RNF213: variants seen among roughly 807,000 people sequenced by gnomAD.
RNF213 encodes ring finger protein 213, also known as E3 ubiquitin-protein ligase RNF213.
In RNF213, 341 loss-of-function variants were observed where a neutral mutation model predicts 514.4. The observed-to-expected ratio is 0.66, with a 90% confidence interval of 0.61 to 0.73. The LOEUF (loss-of-function observed/expected upper bound fraction) is 0.73, where lower values mean the gene tolerates loss of function less well. Ranked by LOEUF, RNF213 falls within the 30% of genes least tolerant of loss-of-function variation. The probability of loss-of-function intolerance (pLI) is 0.00; values close to 1 mark genes in which losing one functional copy is unlikely to be tolerated. For missense variants in RNF213, 5,767 were observed against 6,615.6 expected (o/e 0.87, Z 4.45); for synonymous variants, 2,655 against 2,658.2 (o/e 1.00, Z 0.04).
rs566492457 is a variant in RNF213, at chr17:80,380,160, CAT to C, written c.13640+448_13640+449del. ...TTTTGAGAAAAATGAAGGAGACAGA[CAT>C]AGTCTTATGAAATACCAGACTTCAG... is the stretch of plus-strand genomic sequence containing the variant. On this transcript the variant is annotated intron_variant, in intron 55 of 67. Coordinates refer to ENST00000582970, the MANE Select transcript of RNF213 (RefSeq NM_001256071.3). Among the ~76,000 whole-genome samples, 3 of 152,340 alleles carry C rather than the reference CAT, an allele frequency of 2.0e-5. No individual in the cohort carries two copies. The South Asian group carries it at 6.2e-4, about 32-fold the overall frequency.
Position 80,386,896 on chromosome 17 carries a change from G to C in RNF213, c.14922+5G>C. ...AAGCCCCGGCTGAGCCTCAAGGTAG[G>C]GCTGACTCCTGCCACTGCTGCTCAT... On this transcript the variant is annotated splice_donor_5th_base_variant and intron_variant, in intron 63 of 67. Transcript: ENST00000582970. 1 of 1,608,250 alleles carries C rather than the reference G, an allele frequency of 6.2e-7. No individual in the cohort carries two copies. The highest frequency in any genetic ancestry group is 1.1e-5 in the South Asian group (1 of 90,438).
Position 80,352,627 on chromosome 17 carries a change from GA to G in RNF213, c.10304-312del, listed in dbSNP as rs2078568334. On this transcript the variant is annotated intron_variant, in intron 32 of 67. Transcript: ENST00000582970. ...GTGTCCCCCACCCCTCACTAACTGTGATACAGCAAATACAACAATGCATGGG... is the reference window on the plus strand; with the variant it reads ...GTGTCCCCCACCCCTCACTAACTGTGTACAGCAAATACAACAATGCATGGG... 4 of 597,062 alleles carry G rather than the reference GA, an allele frequency of 6.7e-6. No individual in the cohort carries two copies. The South Asian group carries it at 8.1e-5, about 12-fold the overall frequency. 37.0% of individuals were successfully genotyped at this position (597,062 alleles called of 1,614,324 possible).
Position 80,376,274 on chromosome 17 carries a change from C to T in RNF213, c.13186-27C>T, listed in dbSNP as rs574787371. 5 of 1,613,506 alleles carry T rather than the reference C, an allele frequency of 3.1e-6. No homozygotes were observed. In the African/African-American group the frequency reaches 6.7e-5, roughly 22 times the overall value. ...ATTCACACAATATTCTTTGATACAT[C>T]TTAATGTTAAGTTTTTTTCCTGTCA... On this transcript the variant is annotated intron_variant, in intron 51 of 67. Transcript: ENST00000582970.
In RNF213 at chr17:80,377,548, T is replaced by A; in HGVS notation, c.13511-214T>A. On this transcript the variant is annotated intron_variant, in intron 53 of 67. Transcript: ENST00000582970. This position sits in a 1 kb window ranked among gnomAD's most constrained non-coding sequence, Gnocchi z 4.1. Reference sequence around the variant, plus strand: ...CTAATTGCTCTTTACTTGATAAAATTAATAAAATTAGACTCAGACATTTTT... The same window carrying A: ...CTAATTGCTCTTTACTTGATAAAATAAATAAAATTAGACTCAGACATTTTT... 3.1e-6 allele frequency: 2 copies of A among 635,426 alleles called. No homozygotes were observed. The highest frequency in any genetic ancestry group is 2.8e-5 in the East Asian group (1 of 35,544). 39.4% of individuals were successfully genotyped at this position (635,426 alleles called of 1,614,324 possible). A position where few individuals can be genotyped will look rare whatever the true frequency, so the allele number is the denominator to read the frequency against.
chr17:80,357,779 C>T (rs1304227734), intron 36 of RNF213, among the ~76,000 whole-genome samples: 1 of 152,034 alleles, frequency 6.6e-6, no homozygotes, highest in Non-Finnish European at 1.5e-5. Flanking sequence ...TGAGACCAGC[C>T]AGCTAGGGCA....
At chr17:80,266,577 C>T (rs1207197595) in intron 2 of RNF213, among the ~76,000 whole-genome samples, 1 of 152,098 alleles carries the variant, frequency 6.6e-6, no homozygotes, top group Non-Finnish European at 1.5e-5. Flanking sequence ...TTTCAGCTCA[C>T]TGCAACCTTT....
chr17:80,341,334 T>C (rs1272033236), intron 26 of RNF213: 2 of 152,284 alleles, frequency 1.3e-5, no homozygotes, highest in Non-Finnish European at 2.9e-5. Flanking sequence ...GAGAAAGCCA[T>C]GCCTCTTGAC....
intron 54 of RNF213, among the ~76,000 whole-genome samples, chr17:80,378,015 C>T (rs573486009): frequency 2.6e-5 from 4 of 152,280 alleles, no homozygotes; most frequent in Middle Eastern, 3.4e-3. Context: ...GGCTCTGCGG[C>T]GTGGGCTGTC....
At chr17:80,349,941 TC>T (rs773930893) in intron 30 of RNF213, 35 bp downstream of exon 30, 1 of 1,610,690 alleles carries the variant, frequency 6.2e-7, no homozygotes, top group Non-Finnish European at 8.5e-7. Context: ...GCCCTCTCCC[TC>T]CCCAGCCGCA....
Position 80,346,811 on chromosome 17 carries a change from G to C in RNF213, c.8476G>C (p.Ala2826Pro), listed in dbSNP as rs748247392. The C allele has an allele frequency of 6.2e-7, 1 of 1,613,918 alleles. No individual in the cohort carries two copies. Among genetic ancestry groups the C allele is most frequent in the Non-Finnish European group, 8.5e-7 (1 of 1,180,020 alleles). ...QGIISTFRQC[A>P]RFQQGKDLQQ... ...CATCATCAGCACCTTCCGGCAGTGC[G>C]CCCGCTTTCAGCAGGGGAAGGACCT... The change falls in exon 29 of 68, where the codon GCC becomes CCC. Residue 2826 changes from alanine to proline, a missense_variant. Coordinates refer to ENST00000582970, the MANE Select transcript of RNF213 (RefSeq NM_001256071.3). This position sits in a 1 kb window ranked among gnomAD's most constrained non-coding sequence, Gnocchi z 8.1.
chr17:80,281,525 ATGCCCCACT>A (rs1568006592), intron 3 of RNF213, among the ~76,000 whole-genome samples: 18 of 78,916 alleles, frequency 2.3e-4, no homozygotes, highest in Admixed American at 4.7e-4. Flanking sequence ...CAACACACAC[ATGCCCCACT>A]CATACCACTC....
intron 42 of RNF213, among the ~76,000 whole-genome samples, chr17:80,367,517 AAAG>A (rs1377715523): frequency 3.9e-5 from 6 of 152,222 alleles, no homozygotes; most frequent in African/African-American, 1.2e-4. Flanking sequence ...CTTAAAAGAA[AAAG>A]AAGAGGGAAA....
chr17:80,261,922 C>T (rs1003682359), intron 1 of RNF213, among the ~76,000 whole-genome samples: 21 of 152,268 alleles, frequency 1.4e-4, no homozygotes, highest in African/African-American at 4.6e-4. Context: ...GAGACTGAGG[C>T]GGGAGAATCG....
At position 80,396,989 on chromosome 17, in the gene RNF213, C is replaced by T. The variant is rs906190292; in HGVS notation, c.*3491C>T. The T allele has an allele frequency of 3.3e-5, 5 of 152,310 alleles. No homozygotes were observed. The highest frequency in any genetic ancestry group is 1.2e-4 in the African/African-American group (5 of 41,424). The allele number at this position is 152,310 out of a possible 1,614,324, so 9.4% of individuals were successfully genotyped here. A position where few individuals can be genotyped will look rare whatever the true frequency, so the allele number is the denominator to read the frequency against. On this transcript the variant is annotated 3_prime_UTR_variant, in exon 68 of 68. Coordinates refer to ENST00000582970, the MANE Select transcript of RNF213 (RefSeq NM_001256071.3). Reference sequence around the variant, plus strand: ...TGCTGTGCTTCCCCTCACACCTAAACTTACTATAAGGGTCCTACCTTCCCC... The same window carrying T: ...TGCTGTGCTTCCCCTCACACCTAAATTTACTATAAGGGTCCTACCTTCCCC...
chr17:80,309,976 G>A (rs549104965), intron 14 of RNF213, among the ~76,000 whole-genome samples: 178 of 151,996 alleles, frequency 1.2e-3, no homozygotes, highest in Non-Finnish European at 1.7e-3. Context: ...GGATGGTCTC[G>A]ATCTCATGAC....
intron 17 of RNF213, among the ~76,000 whole-genome samples, chr17:80,321,619 C>T: frequency 6.6e-6 from 1 of 152,226 alleles, no homozygotes; most frequent in East Asian, 1.9e-4. Context: ...TTCAATCCCT[C>T]CAGCAGCATA....
chr17:80,265,235 T>A (rs1286118755), intron 2 of RNF213, among the ~76,000 whole-genome samples: 1 of 152,006 alleles, frequency 6.6e-6, no homozygotes, highest in East Asian at 1.9e-4. Context: ...TTAGTAGAGA[T>A]GGGGTTTCAC....
chr17:80,312,205 G>A (rs1379883155), intron 14 of RNF213, among the ~76,000 whole-genome samples: 6 of 152,192 alleles, frequency 3.9e-5, no homozygotes, highest in Non-Finnish European at 8.8e-5. Flanking sequence ...CCCAGGAGGA[G>A]GTGGCCCTGA....
chr17:80,359,210 G>T (rs2078948234), intron 37 of RNF213, among the ~76,000 whole-genome samples: 1 of 151,976 alleles, frequency 6.6e-6, no homozygotes, highest in African/African-American at 2.4e-5. Flanking sequence ...TTCAATTCTG[G>T]ATGTAGATTT....
Sources: allele counts gnomAD v4.1 joint callset (sites outside exome capture counted in the v4.1 genomes callset), GRCh38; gene constraint gnomAD v4.1.1; non-coding constraint Gnocchi (gnomAD v3.1); transcripts MANE v1.5; gene names NCBI Gene and HGNC (gene_info 2026-07-23, HGNC 2026-07-21).